The following DPP10 variants were observed in gnomAD, a reference collection of about 807,000 sequenced individuals.
The protein encoded by DPP10 is dipeptidyl peptidase like 10.
In DPP10, 33 loss-of-function variants were observed where a neutral mutation model predicts 120.9. That is an observed-to-expected ratio of 0.27 (90% CI 0.21 to 0.37). The LOEUF is 0.37. DPP10 is among the 10% of genes least tolerant of loss of function. DPP10 has a pLI of 1.00. For missense variants in DPP10, 816 were observed against 942.8 expected (o/e 0.87, Z 1.76); for synonymous variants, 337 against 326.1 (o/e 1.03, Z -0.36).
At chr2:114,639,234 AAG>A (rs1004420786) in intron 1 of DPP10, among the ~76,000 whole-genome samples, 23 of 152,032 alleles carry the variant, frequency 1.5e-4, no homozygotes, top group African/African-American at 5.6e-4. Flanking sequence ...GGCGGCAGGC[AAG>A]AGAGTGTGTG....
intron 1 of DPP10, among the ~76,000 whole-genome samples, chr2:115,286,530 T>TATATATA (rs2060405382): frequency 8.7e-6 from 1 of 114,558 alleles, no homozygotes; most frequent in Non-Finnish European, 1.9e-5. Context: ...ATATATAATA[T>TATATATA]ATATATATAT....
chr2:114,479,459 G>C (rs888381712), intron 1 of DPP10, among the ~76,000 whole-genome samples: 5 of 151,380 alleles, frequency 3.3e-5, no homozygotes, highest in Admixed American at 2.0e-4. Context: ...TGTTGATAAA[G>C]GTGCAAATGT....
At chr2:114,738,207 G>A (rs1354432634) in intron 1 of DPP10, among the ~76,000 whole-genome samples, 2 of 152,138 alleles carry the variant, frequency 1.3e-5, no homozygotes, top group Non-Finnish European at 2.9e-5. Context: ...TCAACACATG[G>A]GGATTACAGT....
chr2:115,422,075 C>T (rs988483029), intron 3 of DPP10, among the ~76,000 whole-genome samples: 1 of 151,992 alleles, frequency 6.6e-6, no homozygotes, highest in Non-Finnish European at 1.5e-5. Flanking sequence ...TGCTCCACGG[C>T]AAGCCACTAT....
chr2:115,810,664 T>C (rs1019601267), intron 19 of DPP10, among the ~76,000 whole-genome samples: 2 of 152,198 alleles, frequency 1.3e-5, no homozygotes, highest in East Asian at 1.9e-4. Context: ...TGTTAGGAAA[T>C]AGACAAGTGT....
chr2:114,633,248 C>CTTTTTTTTTTTTTTTTTTT (rs35372708), intron 1 of DPP10, among the ~76,000 whole-genome samples: 1 of 72,810 alleles, frequency 1.4e-5, no homozygotes, highest in Non-Finnish European at 2.4e-5. Flanking sequence ...GTTTTTCTTT[C>CTTTTTTTTTTTTTTTTTTT]TTTTTTTTTT....
chr2:115,291,211 C>A (rs2105926504), intron 1 of DPP10, among the ~76,000 whole-genome samples: 1 of 152,100 alleles, frequency 6.6e-6, no homozygotes, highest in South Asian at 2.1e-4. Context: ...CCTGTGTTTC[C>A]CAGGCTGATC....
intron 3 of DPP10, among the ~76,000 whole-genome samples, chr2:115,402,501 A>G (rs779941517): frequency 8.5e-5 from 13 of 152,192 alleles, no homozygotes; most frequent in Admixed American, 2.0e-4. Context: ...ATAAGAAACT[A>G]TTATTAACAA....
intron 5 of DPP10, among the ~76,000 whole-genome samples, chr2:115,536,734 T>C (rs2078870541): frequency 6.6e-6 from 1 of 152,014 alleles, no homozygotes. Context: ...TAGGAGAATC[T>C]GTGATATGTT....
At chr2:115,281,806 C>T (rs566167026) in intron 1 of DPP10, among the ~76,000 whole-genome samples, 9 of 151,886 alleles carry the variant, frequency 5.9e-5, no homozygotes, top group Non-Finnish European at 1.2e-4. Context: ...TATAAAGTTA[C>T]GTGCAGAAAA....
chr2:115,700,777 T>G (rs1334074328), intron 7 of DPP10, among the ~76,000 whole-genome samples: 1 of 152,098 alleles, frequency 6.6e-6, no homozygotes, highest in Non-Finnish European at 1.5e-5. Flanking sequence ...TCATATACAT[T>G]TGTAAGTCTA....
At chr2:115,795,687 A>G (rs2149936674) in intron 19 of DPP10, among the ~76,000 whole-genome samples, 1 of 152,286 alleles carries the variant, frequency 6.6e-6, no homozygotes, top group East Asian at 1.9e-4. Context: ...GTAACTGATC[A>G]TTCACAATGA....
intron 1 of DPP10, among the ~76,000 whole-genome samples, chr2:114,471,640 G>C (rs1558788216): frequency 6.6e-6 from 1 of 152,168 alleles, no homozygotes; most frequent in African/African-American, 2.4e-5. Context: ...TGAAAAAAGA[G>C]TCTCCTAAAA....
chr2:115,070,730 T>C (rs1168433857), intron 1 of DPP10, among the ~76,000 whole-genome samples: 1 of 152,176 alleles, frequency 6.6e-6, no homozygotes, highest in Non-Finnish European at 1.5e-5. Flanking sequence ...ATTATAAATA[T>C]AAGTAAGTGT....
chr2:115,629,880 C>T (rs534948511), intron 5 of DPP10, among the ~76,000 whole-genome samples: 39 of 152,208 alleles, frequency 2.6e-4, no homozygotes, highest in Non-Finnish European at 3.7e-4. Context: ...CTTGGCTATG[C>T]GGGCTCTTTT....
intron 1 of DPP10, among the ~76,000 whole-genome samples, chr2:114,520,988 A>T (rs1379929596): frequency 1.3e-5 from 2 of 152,066 alleles, no homozygotes; most frequent in African/African-American, 2.4e-5. Context: ...CTTGGGCAGA[A>T]CTCTGGTCTA....
At chr2:115,646,364 G>C (rs76746975) in intron 5 of DPP10, among the ~76,000 whole-genome samples, 1 of 152,032 alleles carries the variant, frequency 6.6e-6, no homozygotes, top group African/African-American at 2.4e-5. Context: ...TGGGAACACA[G>C]CCTGACTCTG....
rs377472719 is a variant in DPP10, at chr2:115,395,302, A to G, written c.271+51390A>G. On this transcript the variant is annotated intron_variant, in intron 3 of 25. Coordinates refer to ENST00000410059, the MANE Select transcript of DPP10 (RefSeq NM_020868.6). ...CGTGTATAAATTTCCTCTTCTTATA[A>G]GGATGCCAGTCAGACTGGATTAATT... is the stretch of plus-strand genomic sequence containing the variant. 2.6e-5 allele frequency among the ~76,000 whole-genome samples: 4 copies of G among 152,152 alleles called. No individual in the cohort carries two copies. In the East Asian group the frequency reaches 7.7e-4, roughly 29 times the overall value.
chr2:115,724,280 A>G (rs2092715364), intron 7 of DPP10, among the ~76,000 whole-genome samples: 1 of 152,194 alleles, frequency 6.6e-6, no homozygotes, highest in Admixed American at 6.5e-5. Context: ...ATGGCTCTTC[A>G]CCCAGAAATC....
Sources: allele counts gnomAD v4.1 joint callset (sites outside exome capture counted in the v4.1 genomes callset), GRCh38; gene constraint gnomAD v4.1.1; transcripts MANE v1.5; gene names NCBI Gene and HGNC (gene_info 2026-07-23, HGNC 2026-07-21).